SNX29: variants seen among roughly 807,000 people sequenced by gnomAD.
SNX29 encodes sorting nexin 29, also known as sorting nexin-29.
SNX29 carries 78 observed loss-of-function variants against 102.1 expected under a neutral mutation model. The observed-to-expected ratio is 0.76, with a 90% CI of 0.64 to 0.92. SNX29 has a LOEUF of 0.92. SNX29 is among the 40% of genes least tolerant of loss of function. The probability of loss-of-function intolerance (pLI) is 0.00; values close to 1 mark genes in which losing one functional copy is unlikely to be tolerated. For synonymous variants in SNX29, 580 were observed against 414.5 expected, an observed-to-expected ratio of 1.40 and a Z score of -4.85; for missense variants, 1,280 against 1,061.7, an observed-to-expected ratio of 1.21 and a Z score of -2.86.
chr16:12,552,543 C>G (rs1001440796), intron 20 of SNX29, among the ~76,000 whole-genome samples: 2 of 152,172 alleles, frequency 1.3e-5, no homozygotes, highest in African/African-American at 2.4e-5. Context: ...AGTGATGTCC[C>G]CAGCACTGGC....
At chr16:12,042,746 A>T (rs2049934347) in intron 4 of SNX29, 151 bp from the exon 5 acceptor site, 2 of 741,392 alleles carry the variant, frequency 2.7e-6, no homozygotes, top group Non-Finnish European at 2.2e-6. Flanking sequence ...ATCTGGGTTG[A>T]TTCCATGTCT....
chr16:12,124,449 C>T (rs551854620), intron 11 of SNX29, among the ~76,000 whole-genome samples: 14 of 151,806 alleles, frequency 9.2e-5, no homozygotes, highest in Non-Finnish European at 1.8e-4. Flanking sequence ...TTTTTTCTTG[C>T]GTGTGTGTTA....
intron 14 of SNX29, among the ~76,000 whole-genome samples, chr16:12,238,303 CTT>C (rs5815674): frequency 0.019 from 2,598 of 137,744 alleles, 90 homozygotes; most frequent in African/African-American, 0.065. Flanking sequence ...TGGATGGGCA[CTT>C]TTTTTTTTTT....
At chr16:12,560,136 C>CCG (rs1555459851) in intron 20 of SNX29, among the ~76,000 whole-genome samples, 5 of 5,618 alleles carry the variant, frequency 8.9e-4, no homozygotes, top group South Asian at 4.7e-3. Context: ...GTGTTCCCCT[C>CCG]CCCCCCCCAA....
At chr16:12,344,062 T>C (rs976712844) in intron 15 of SNX29, among the ~76,000 whole-genome samples, 3 of 152,124 alleles carry the variant, frequency 2.0e-5, no homozygotes, top group Non-Finnish European at 4.4e-5. Context: ...TTATGAGAGG[T>C]TTCCTCTTTC....
intron 13 of SNX29, among the ~76,000 whole-genome samples, chr16:12,181,129 TCTC>T (rs1411545739): frequency 6.6e-6 from 1 of 152,138 alleles, no homozygotes; most frequent in African/African-American, 2.4e-5. Flanking sequence ...AGAGGAAGAA[TCTC>T]CTGGCTTTAC....
intron 14 of SNX29, among the ~76,000 whole-genome samples, chr16:12,214,469 T>C (rs1207119366): frequency 6.6e-6 from 1 of 152,216 alleles, no homozygotes; most frequent in Non-Finnish European, 1.5e-5. Context: ...AACTGCTCTA[T>C]TTTAAGTTTC....
At chr16:12,166,104 G>A (rs113604838) in intron 13 of SNX29, among the ~76,000 whole-genome samples, 20 of 152,314 alleles carry the variant, frequency 1.3e-4, no homozygotes, top group African/African-American at 3.1e-4. Context: ...TGCCGTTATC[G>A]TAATAATAGT....
chr16:12,030,501 G>C (rs1352065267), intron 4 of SNX29, among the ~76,000 whole-genome samples: 1 of 152,106 alleles, frequency 6.6e-6, no homozygotes, highest in East Asian at 1.9e-4. Flanking sequence ...CCCAAAACCA[G>C]TCCCACAAAG....
chr16:12,495,340 C>A (rs1015876308), intron 19 of SNX29, among the ~76,000 whole-genome samples: 12 of 151,968 alleles, frequency 7.9e-5, no homozygotes, highest in African/African-American at 2.4e-4. Flanking sequence ...TTAGTAGAGA[C>A]AGGGTTTCAC....
intron 20 of SNX29, among the ~76,000 whole-genome samples, chr16:12,544,660 C>T (rs933626289): frequency 5.3e-5 from 8 of 152,214 alleles, no homozygotes; most frequent in Non-Finnish European, 8.8e-5. Flanking sequence ...GTTTACTTCT[C>T]ATGAAGCCTT....
At chr16:12,240,585 CTTTTTTTTTTTTT>C (rs1180028807) in intron 14 of SNX29, among the ~76,000 whole-genome samples, 4 of 64,788 alleles carry the variant, frequency 6.2e-5, no homozygotes, top group Non-Finnish European at 5.8e-5. Flanking sequence ...TTTGTCATTT[CTTTTTTTTTTTTT>C]TTTTTTTTTT....
chr16:12,524,851 G>A lies in SNX29; in HGVS notation c.2318+10G>A. 1 of 1,609,280 alleles carries A rather than the reference G, an allele frequency of 6.2e-7. No homozygotes were observed. Among genetic ancestry groups the A allele is most frequent in the Non-Finnish European group, 8.5e-7 (1 of 1,177,344 alleles). On this transcript the variant is annotated intron_variant, in intron 20 of 20. Transcript: ENST00000566228. Reference sequence around the variant, plus strand: ...TGATGCCCTTCTTCGTGTAAGTACTGCTCCCACGGACATGGGCCGCCAGCC... The same window carrying A: ...TGATGCCCTTCTTCGTGTAAGTACTACTCCCACGGACATGGGCCGCCAGCC...
intron 1 of SNX29, among the ~76,000 whole-genome samples, chr16:11,998,431 G>A (rs1596554294): frequency 6.6e-6 from 1 of 152,160 alleles, no homozygotes; most frequent in African/African-American, 2.4e-5. Context: ...AATGCTTTTG[G>A]ATGCAAGTAA....
At chr16:12,372,911 T>C (rs1216025593) in intron 16 of SNX29, 3 of 152,214 alleles carry the variant, frequency 2.0e-5, no homozygotes, top group Non-Finnish European at 4.4e-5. Flanking sequence ...TGCAGACAGG[T>C]ATACTGGCAC....
chr16:12,499,311 ACAT>A (rs2088990234), intron 19 of SNX29, among the ~76,000 whole-genome samples: 1 of 152,216 alleles, frequency 6.6e-6, no homozygotes, highest in African/African-American at 2.4e-5. Flanking sequence ...AAATAATTGA[ACAT>A]CACTGTTTTT....
intron 15 of SNX29, among the ~76,000 whole-genome samples, chr16:12,314,276 G>T (rs2080659792): frequency 6.6e-6 from 1 of 152,256 alleles, no homozygotes; most frequent in Non-Finnish European, 1.5e-5. Flanking sequence ...TGGCATTACA[G>T]GCATGAGCCA....
At chr16:12,532,997 G>A (rs531759558) in intron 20 of SNX29, among the ~76,000 whole-genome samples, 12 of 152,366 alleles carry the variant, frequency 7.9e-5, no homozygotes, top group African/African-American at 2.6e-4. Flanking sequence ...GCATCCCTGA[G>A]CCCCTCGTCT....
At chr16:12,013,684 G>T (rs2056754588) in intron 3 of SNX29, among the ~76,000 whole-genome samples, 1 of 150,676 alleles carries the variant, frequency 6.6e-6, no homozygotes, top group South Asian at 2.1e-4. Context: ...CCGCTGTGTT[G>T]CCCAGCCTGG....
Sources: allele counts gnomAD v4.1 joint callset (sites outside exome capture counted in the v4.1 genomes callset), GRCh38; gene constraint gnomAD v4.1.1; transcripts MANE v1.5; gene names NCBI Gene and HGNC (gene_info 2026-07-23, HGNC 2026-07-21).